ARMC2: variants seen among roughly 807,000 people sequenced by gnomAD.
ARMC2 encodes armadillo repeat-containing protein 2.
A neutral mutation model predicts 90.3 loss-of-function variants in ARMC2; 67 were observed. The ratio of observed to expected loss-of-function variants is 0.74; its 90% confidence interval spans 0.61 to 0.91. The LOEUF is 0.91. ARMC2 is among the 40% of genes least tolerant of loss of function. The pLI, the probability that ARMC2 is intolerant of heterozygous loss-of-function variation, is 0.00. For missense variants in ARMC2, 920 were observed against 1,030.9 expected (o/e 0.89, Z 1.47); for synonymous variants, 393 against 393.0 (o/e 1.00, Z 0.00).
intron 10 of ARMC2, among the ~76,000 whole-genome samples, chr6:108,915,109 C>T (rs187839226): frequency 7.2e-5 from 11 of 152,106 alleles, no homozygotes; most frequent in African/African-American, 1.9e-4. Flanking sequence ...CCCGCCACCA[C>T]GCCTGGCTAA....
the ARMC2 span, among the ~76,000 whole-genome samples, chr6:109,014,766 C>G: frequency 0.1 from 15,204 of 152,116 alleles, 926 homozygotes; most frequent in Middle Eastern, 0.19. Flanking sequence ...CCACCCAAAG[C>G]CTGTTCACTA....
At chr6:109,001,952 GA>G in the ARMC2 span, among the ~76,000 whole-genome samples, 7 of 152,174 alleles carry the variant, frequency 4.6e-5, no homozygotes, top group Non-Finnish European at 8.8e-5. Context: ...TCAGCCTGTG[GA>G]GACAGTCAAG....
At chr6:108,851,747 G>A (rs1456723543) in intron 1 of ARMC2, among the ~76,000 whole-genome samples, 1 of 152,132 alleles carries the variant, frequency 6.6e-6, no homozygotes, top group Non-Finnish European at 1.5e-5. Context: ...GACCAGCCTG[G>A]ACAACATAGT....
chr6:108,954,234 C>T (rs1279032700), intron 13 of ARMC2, among the ~76,000 whole-genome samples: 2 of 152,166 alleles, frequency 1.3e-5, no homozygotes, highest in Admixed American at 6.5e-5. Flanking sequence ...CAATTCAGTC[C>T]ATGGCAACCC....
At chr6:109,007,025 G>A in the ARMC2 span, among the ~76,000 whole-genome samples, 1 of 152,164 alleles carries the variant, frequency 6.6e-6, no homozygotes, top group Admixed American at 6.5e-5. Flanking sequence ...TAACCTCACA[G>A]GCTCTCTGTG....
rs781505607 is a variant in ARMC2 at position 108,965,172 on chromosome 6, T to C, written c.2446+32T>C. ...CTCTTGACTATGATGAGTCTGTGAG[T>C]TTTATCAGAGTGTGAGATAGTTTTT... On this transcript the variant is annotated intron_variant, in intron 17 of 17. Coordinates refer to ENST00000392644, the MANE Select transcript of ARMC2 (RefSeq NM_032131.6). The C allele has an allele frequency of 1.4e-5, 22 of 1,563,312 alleles. No individual in the cohort carries two copies. The African/African-American group carries it at 2.8e-4, about 20-fold the overall frequency.
At chr6:108,953,390 A>C (rs762125253) in intron 13 of ARMC2, 39 bp downstream of exon 13, 4 of 1,548,278 alleles carry the variant, frequency 2.6e-6, no homozygotes, top group Non-Finnish European at 3.5e-6. Context: ...AGACACAACC[A>C]ACTTTCCCGC....
At chr6:108,900,350 C>G (rs369913673) in intron 7 of ARMC2, among the ~76,000 whole-genome samples, 1 of 152,206 alleles carries the variant, frequency 6.6e-6, no homozygotes, top group Non-Finnish European at 1.5e-5. Context: ...ATCGATGGGT[C>G]CCTGCAAGGG....
chr6:108,973,335 A>C lies in ARMC2; in HGVS notation c.2447-22A>C, dbSNP rs201045639. On this transcript the variant is annotated intron_variant, in intron 17 of 17. Transcript: ENST00000392644. ...GGATTACATTTCTAAATAATGCTGT[A>C]ATTTAAATTTTTCTAATACAGATGA... The C allele has an allele frequency of 2.5e-4, 398 of 1,588,028 alleles. 4 individuals are homozygous for C. The African/African-American group carries it at 5.0e-3, about 20-fold the overall frequency.
intron 17 of ARMC2, among the ~76,000 whole-genome samples, chr6:108,965,739 G>A (rs1022163682): frequency 6.6e-6 from 1 of 151,938 alleles, no homozygotes; most frequent in African/African-American, 2.4e-5. Context: ...TAAACTCCTG[G>A]GCTCAAGTGA....
rs116217440 is a variant in ARMC2, at chr6:108,869,977, A to T, written c.463+982A>T. On this transcript the variant is annotated intron_variant, in intron 4 of 17. Coordinates refer to ENST00000392644, the MANE Select transcript of ARMC2 (RefSeq NM_032131.6). ...TACATGACACACGATAGGGGTAAGTATTGCTTCAAGAGACTTTACTTCGGT... is the reference window on the plus strand; with the variant it reads ...TACATGACACACGATAGGGGTAAGTTTTGCTTCAAGAGACTTTACTTCGGT... Among the ~76,000 whole-genome samples the T allele has an allele frequency of 4.2e-3, 639 of 152,344 alleles. 3 individuals carry two copies. Among genetic ancestry groups the T allele is most frequent in the African/African-American group, 0.014 (599 of 41,584 alleles).
the ARMC2 span, chr6:109,000,751 A>G: frequency 2.4e-5 from 28 of 1,161,668 alleles, no homozygotes; most frequent in Non-Finnish European, 3.0e-5. Flanking sequence ...AACATGCAAA[A>G]GAGCTAATTA....
chr6:109,003,569 T>G, the ARMC2 span, among the ~76,000 whole-genome samples: 17 of 152,184 alleles, frequency 1.1e-4, no homozygotes, highest in Admixed American at 2.6e-4. Flanking sequence ...AAAATAATAT[T>G]TAAATAAAAT....
At chr6:108,931,261 T>C (rs1366602253) in intron 11 of ARMC2, among the ~76,000 whole-genome samples, 1 of 151,932 alleles carries the variant, frequency 6.6e-6, no homozygotes, top group African/African-American at 2.4e-5. Flanking sequence ...TCTCATTCTT[T>C]TTTATAGCTG....
the ARMC2 span, among the ~76,000 whole-genome samples, chr6:109,010,970 A>G: frequency 2.6e-5 from 4 of 152,230 alleles, no homozygotes; most frequent in Non-Finnish European, 5.9e-5. Flanking sequence ...CACTTGATGT[A>G]TGGGATTGTG....
chr6:109,000,504 T>C, the ARMC2 span: 1 of 1,582,208 alleles, frequency 6.3e-7, no homozygotes, highest in Admixed American at 1.8e-5. Context: ...AATGTGTTCT[T>C]TGGTAATAAG....
intron 3 of ARMC2, among the ~76,000 whole-genome samples, chr6:108,860,884 T>C (rs1434261534): frequency 2.6e-5 from 4 of 152,150 alleles, no homozygotes; most frequent in Non-Finnish European, 5.9e-5. Context: ...GTTGCTAGCT[T>C]CCAGGTGCAG....
Position 108,912,334 on chromosome 6 carries a change from G to A in ARMC2, c.1127-1G>A, listed in dbSNP as rs1354416027. The A allele has an allele frequency of 6.3e-7, 1 of 1,583,684 alleles. No individual in the cohort carries two copies. The highest frequency in any genetic ancestry group is 2.2e-5 in the East Asian group (1 of 44,662). On this transcript the variant is annotated splice_acceptor_variant, in intron 9 of 17. Coordinates refer to ENST00000392644, the MANE Select transcript of ARMC2 (RefSeq NM_032131.6). LOFTEE classifies it high-confidence loss of function. ...TTTATAATAATTAATCTTTTTGACA[G>A]AATCATTATTGGAGGTACTAAGAAG... is the stretch of plus-strand genomic sequence containing the variant.
At chr6:108,868,405 T>C (rs1206089378) in intron 3 of ARMC2, among the ~76,000 whole-genome samples, 7 of 152,038 alleles carry the variant, frequency 4.6e-5, no homozygotes, top group Admixed American at 4.6e-4. Context: ...TTAGTGGAGA[T>C]GGGGTTTCAC....
Sources: allele counts gnomAD v4.1 joint callset (sites outside exome capture counted in the v4.1 genomes callset), GRCh38; gene constraint gnomAD v4.1.1; transcripts MANE v1.5; gene names NCBI Gene and HGNC (gene_info 2026-07-23, HGNC 2026-07-21).